Variants in LRFN5 observed in about 807,000 individuals in gnomAD.
LRFN5 encodes leucine-rich repeat and fibronectin type-III domain-containing protein 5.
LRFN5 carries 24 observed loss-of-function variants against 45.6 expected under a neutral mutation model. The ratio of observed to expected loss-of-function variants is 0.53; its 90% CI spans 0.38 to 0.74. The LOEUF (loss-of-function observed/expected upper bound fraction) is 0.74. LRFN5 is among the 30% of genes least tolerant of loss of function. The pLI is 0.00. For synonymous variants in LRFN5, 340 were observed against 313.8 expected, an observed-to-expected ratio of 1.08 and a Z score of -0.88; for missense variants, 776 against 861.5, an observed-to-expected ratio of 0.90 and a Z score of 1.24.
chr14:41,843,316 A>G (rs764778255), intron 2 of LRFN5, among the ~76,000 whole-genome samples: 1 of 151,578 alleles, frequency 6.6e-6, no homozygotes, highest in Non-Finnish European at 1.5e-5. Flanking sequence ...GTGGTCGTGA[A>G]CTCCTGGCCT....
intron 1 of LRFN5, among the ~76,000 whole-genome samples, chr14:41,758,036 A>T (rs73315081): frequency 0.057 from 8,693 of 151,970 alleles, 855 homozygotes; most frequent in African/African-American, 0.2. Flanking sequence ...CCCCCATGCA[A>T]CTCTTATCCT....
chr14:41,832,038 A>G (rs1259869105), intron 2 of LRFN5, among the ~76,000 whole-genome samples: 6 of 152,118 alleles, frequency 3.9e-5, no homozygotes, highest in Non-Finnish European at 7.4e-5. Flanking sequence ...TCCCACCCTC[A>G]TGATCTCATC....
At chr14:41,787,953 GA>G (rs1051472237) in intron 2 of LRFN5, among the ~76,000 whole-genome samples, 2 of 151,894 alleles carry the variant, frequency 1.3e-5, no homozygotes, top group Non-Finnish European at 2.9e-5. Context: ...TGCCCTATAA[GA>G]AAAGATACCA....
chr14:41,719,331 A>G (rs1352393356), intron 1 of LRFN5, among the ~76,000 whole-genome samples: 1 of 152,080 alleles, frequency 6.6e-6, no homozygotes, highest in East Asian at 1.9e-4. Flanking sequence ...TTATTTTTAG[A>G]CTGATAACAT....
chr14:41,622,320 C>T (rs1186592599), intron 1 of LRFN5, among the ~76,000 whole-genome samples: 1 of 152,026 alleles, frequency 6.6e-6, no homozygotes, highest in East Asian at 1.9e-4. Flanking sequence ...TGTCAAGCCA[C>T]AGTCTTACAG....
Position 41,752,024 on chromosome 14 carries a change from T to C in LRFN5, c.-196-14830T>C, listed in dbSNP as rs1261610338. On this transcript the variant is annotated intron_variant, in intron 1 of 5. Coordinates refer to ENST00000298119, the MANE Select transcript of LRFN5 (RefSeq NM_152447.5). The stretch of plus-strand genomic sequence containing the variant: ...GTGAGAACATGCAGTGTTTGGTTTT[T>C]TGTCCTTGCGACAGTTTGCTGAAAA... 3.3e-5 allele frequency among the ~76,000 whole-genome samples: 5 copies of C among 152,178 alleles called. No homozygotes were observed. In the East Asian group the frequency reaches 7.7e-4, roughly 24 times the overall value.
At chr14:41,873,834 A>G (rs1247237059) in intron 2 of LRFN5, among the ~76,000 whole-genome samples, 1 of 152,134 alleles carries the variant, frequency 6.6e-6, no homozygotes, top group Non-Finnish European at 1.5e-5. Flanking sequence ...TGCTATGGCA[A>G]CAGCACAACA....
intron 3 of LRFN5, among the ~76,000 whole-genome samples, chr14:41,890,756 T>A (rs537412138): frequency 6.6e-6 from 1 of 152,024 alleles, no homozygotes; most frequent in South Asian, 2.1e-4. Context: ...AGTTATTAAG[T>A]ATATATTTAC....
chr14:41,686,970 T>A (rs553953117), intron 1 of LRFN5, among the ~76,000 whole-genome samples: 14 of 152,208 alleles, frequency 9.2e-5, no homozygotes, highest in Non-Finnish European at 1.2e-4. Context: ...GATACTGGTT[T>A]CATAAAATGA....
intron 1 of LRFN5, among the ~76,000 whole-genome samples, chr14:41,633,561 A>C (rs938001333): frequency 6.6e-6 from 1 of 152,188 alleles, no homozygotes; most frequent in Admixed American, 6.5e-5. Flanking sequence ...AGTTGCAAAC[A>C]GACTTGATGT....
chr14:41,689,474 T>C (rs76778686), intron 1 of LRFN5, among the ~76,000 whole-genome samples: 5,072 of 152,206 alleles, frequency 0.033, 141 homozygotes, highest in African/African-American at 0.084. Context: ...TAAAAGCTTA[T>C]GCAAACAAAT....
intron 2 of LRFN5, among the ~76,000 whole-genome samples, chr14:41,831,790 C>T (rs185538573): frequency 5.9e-5 from 9 of 152,198 alleles, no homozygotes; most frequent in Admixed American, 5.9e-4. Context: ...TGTCTTAGCT[C>T]AGACTGCCTC....
chr14:41,740,213 A>C lies in LRFN5; in HGVS notation c.-196-26641A>C, dbSNP rs567683571. On this transcript the variant is annotated intron_variant, in intron 1 of 5. Coordinates refer to ENST00000298119, the MANE Select transcript of LRFN5 (RefSeq NM_152447.5). ...ATTTTACAAGGCAAACTTTACCCTA[A>C]TATTAAAACCATACAAGGACACTAC... Among the ~76,000 whole-genome samples, 16 of 152,182 alleles carry C rather than the reference A, an allele frequency of 1.1e-4. No homozygotes were observed. The South Asian group carries it at 3.3e-3, about 32-fold the overall frequency.
intron 5 of LRFN5, 105 bp from the exon 6 acceptor site, chr14:41,904,053 A>C (rs527988636): frequency 1.0e-4 from 101 of 966,626 alleles, no homozygotes; most frequent in Non-Finnish European, 1.4e-4. Flanking sequence ...GGGTGCTTAC[A>C]TTTAGTTACT....
chr14:41,797,548 TA>T (rs1457517584), intron 2 of LRFN5, among the ~76,000 whole-genome samples: 1 of 151,666 alleles, frequency 6.6e-6, no homozygotes, highest in African/African-American at 2.4e-5. Context: ...CTTTCTTTCT[TA>T]AAGTTTCTTA....
chr14:41,804,508 T>G (rs191560365), intron 2 of LRFN5, among the ~76,000 whole-genome samples: 2 of 152,288 alleles, frequency 1.3e-5, no homozygotes, highest in East Asian at 3.9e-4. Context: ...GGTAATCATT[T>G]ATGTCTACAT....
chr14:41,810,195 T>C (rs1473556504), intron 2 of LRFN5, among the ~76,000 whole-genome samples: 1 of 152,108 alleles, frequency 6.6e-6, no homozygotes, highest in East Asian at 1.9e-4. Flanking sequence ...CTTTTATTAC[T>C]CTAGAGAATT....
At chr14:41,630,102 G>C (rs149553504) in intron 1 of LRFN5, among the ~76,000 whole-genome samples, 27 of 152,178 alleles carry the variant, frequency 1.8e-4, no homozygotes, top group Middle Eastern at 3.4e-3. Flanking sequence ...AGGCATTAAT[G>C]ATGTCATAAA....
chr14:41,881,457 AATCTTT>A (rs1188937492), intron 2 of LRFN5, among the ~76,000 whole-genome samples: 2 of 151,566 alleles, frequency 1.3e-5, no homozygotes, highest in Non-Finnish European at 2.9e-5. Context: ...TCTTTTAATA[AATCTTT>A]ATCTTTATAT....
Sources: gnomAD v4.1 joint callset for allele counts (sites outside exome capture counted in the v4.1 genomes callset) on GRCh38, gnomAD v4.1.1 for gene constraint, MANE v1.5 for transcripts, NCBI Gene and HGNC (gene_info 2026-07-23, HGNC 2026-07-21) for gene names.